Variants in MALAT1 observed in about 807,000 individuals in gnomAD.
MALAT1 encodes metastasis associated lung adenocarcinoma transcript 1, also known as hepcarcin.
intron 3 of MALAT1, chr11:65,505,735 TAACAG>T (rs1410594253): frequency 1.9e-6 from 1 of 519,046 alleles, no homozygotes; most frequent in South Asian, 1.4e-5. Context: ...TGCAAATTGT[TAACAG>T]AAGGGTATTA....
chr11:65,505,338 CCT>C (rs1386406427), intron 3 of MALAT1: 1 of 518,732 alleles, frequency 1.9e-6, no homozygotes, highest in Admixed American at 1.9e-5. Context: ...GCCTCAACTC[CCT>C]CTTTCTGGAG....
At chr11:65,505,671 G>A (rs1452248801) in intron 3 of MALAT1, 2 of 518,854 alleles carry the variant, frequency 3.9e-6, no homozygotes, top group African/African-American at 3.9e-5. Context: ...AGGTAACGAT[G>A]GTGTCGAGGT....
intron 3 of MALAT1, chr11:65,504,129 G>A (rs750618355): frequency 1.5e-5 from 8 of 516,480 alleles, no homozygotes; most frequent in Non-Finnish European, 1.9e-5. Flanking sequence ...ATTTTCCTTT[G>A]CAGAGGCATT....
At chr11:65,498,608 C>T (rs760785149) in intron 1 of MALAT1, 5 of 518,694 alleles carry the variant, frequency 9.6e-6, no homozygotes, top group East Asian at 5.4e-5. Flanking sequence ...TCAACCGTCC[C>T]TGCAAGGCTG....
At chr11:65,500,826 T>C (rs756679074) in exon 3 of MALAT1, 3 of 518,820 alleles carry the variant, frequency 5.8e-6, no homozygotes, top group East Asian at 1.1e-4. Context: ...TAACCTTTTA[T>C]TTATTTTCTA....
chr11:65,497,767 G>A (rs754471394), exon 1 of MALAT1: 7 of 460,510 alleles, frequency 1.5e-5, no homozygotes, highest in Admixed American at 4.8e-5. Flanking sequence ...CTTCTGTAAA[G>A]GACTGGGGCC....
chr11:65,505,050 A>G, intron 3 of MALAT1: 1 of 518,912 alleles, frequency 1.9e-6, no homozygotes, highest in Non-Finnish European at 3.8e-6. Context: ...TTTACATACA[A>G]AGTCAGATCA....
exon 3 of MALAT1, chr11:65,500,058 T>C: frequency 4.5e-6 from 2 of 443,458 alleles, no homozygotes; most frequent in South Asian, 3.3e-5. Flanking sequence ...GTGCAGAAGT[T>C]AGAAGGTAAA....
exon 3 of MALAT1, chr11:65,502,215 TTAAC>T (rs1565053542): frequency 5.8e-6 from 3 of 518,992 alleles, no homozygotes; most frequent in Non-Finnish European, 1.2e-5. Context: ...TGGGCTGACA[TTAAC>T]TACAATTATG....
At chr11:65,506,237 C>G (rs1417945921) in intron 3 of MALAT1, 6 of 458,042 alleles carry the variant, frequency 1.3e-5, no homozygotes, top group Non-Finnish European at 2.1e-5. Context: ...TCTGCAGGTG[C>G]TAGTTCTTGG....
Position 65,504,821 on chromosome 11 carries a change from A to C in MALAT1, n.5168+916A>C, listed in dbSNP as rs1435571082. ...CTTGGTCTTAATTCTTACATGCAGGAACACTCAGCAGACACACGTATGCGA... is the reference window on the plus strand; with the variant it reads ...CTTGGTCTTAATTCTTACATGCAGGCACACTCAGCAGACACACGTATGCGA... On this transcript the variant is annotated intron_variant and non_coding_transcript_variant, in intron 3 of 3. Coordinates refer to ENST00000619449, the Ensembl canonical transcript of MALAT1. 21 of 518,896 alleles carry C rather than the reference A, an allele frequency of 4.0e-5. No homozygotes were observed. In the Admixed American group the frequency reaches 4.1e-4, roughly 10 times the overall value. 32.1% of individuals were successfully genotyped at this position (518,896 alleles called of 1,614,324 possible).
chr11:65,497,913 TGGGACGCA>T (rs1565670773), intron 1 of MALAT1: 1 of 518,774 alleles, frequency 1.9e-6, no homozygotes, highest in Admixed American at 1.9e-5. Flanking sequence ...CCAGAGTCCT[TGGGACGCA>T]GCGACGAGTT....
chr11:65,505,035 C>G (rs1466993370), intron 3 of MALAT1: 2 of 518,764 alleles, frequency 3.9e-6, no homozygotes, highest in Non-Finnish European at 7.7e-6. Flanking sequence ...CAAGCTTTTT[C>G]TGTATTTACA....
chr11:65,497,850 C>T (rs932265174), exon 1 of MALAT1: 1 of 516,786 alleles, frequency 1.9e-6, no homozygotes, highest in East Asian at 5.5e-5. Context: ...GCCGGGAAGC[C>T]TCAGCTCGCC....
At chr11:65,505,048 C>A (rs773901429) in intron 3 of MALAT1, 4 of 518,888 alleles carry the variant, frequency 7.7e-6, no homozygotes, top group South Asian at 5.6e-5. Context: ...TATTTACATA[C>A]AAAGTCAGAT....
chr11:65,504,762 G>A, intron 3 of MALAT1: 1 of 518,972 alleles, frequency 1.9e-6, no homozygotes, highest in Non-Finnish European at 3.8e-6. Context: ...GATCTTTAGT[G>A]CATTGTTTAT....
chr11:65,503,594 C>T (rs761533528), exon 3 of MALAT1: 2 of 509,888 alleles, frequency 3.9e-6, no homozygotes, highest in South Asian at 1.5e-5. Flanking sequence ...ACCATTAAAT[C>T]ATTCAAAATA....
exon 3 of MALAT1, chr11:65,502,938 G>GAAGAGGCAATGTCC (rs746929585): frequency 6.1e-6 from 3 of 494,876 alleles, no homozygotes; most frequent in Non-Finnish European, 1.2e-5. Flanking sequence ...GAAATACAAT[G>GAAGAGGCAATGTCC]AAGAGGCAAT....
chr11:65,501,206 C>CG (rs567610173), exon 3 of MALAT1: 131 of 427,598 alleles, frequency 3.1e-4, no homozygotes, highest in East Asian at 2.1e-3. Context: ...GTAACTGAGG[C>CG]GGGGGGGAGT....
Sources: allele counts gnomAD v4.1 joint callset, GRCh38; gene constraint gnomAD v4.1.1; transcripts MANE v1.5; gene names NCBI Gene and HGNC (gene_info 2026-07-23, HGNC 2026-07-21).